Variants in SYNE2 observed in about 807,000 individuals in gnomAD.
SYNE2 encodes spectrin repeat containing nuclear envelope protein 2.
In SYNE2, 431 loss-of-function variants were observed where a neutral mutation model predicts 856.3. The ratio of observed to expected loss-of-function variants is 0.50; its 90% CI spans 0.47 to 0.55. SYNE2 has a LOEUF of 0.55. Ranked by LOEUF, SYNE2 falls within the 20% of genes least tolerant of loss-of-function variation. The pLI, the probability that SYNE2 is intolerant of heterozygous loss-of-function variation, is 0.00. For missense variants in SYNE2, 8,129 were observed against 8,023.2 expected (o/e 1.01, Z -0.50); for synonymous variants, 2,923 against 2,872.3 (o/e 1.02, Z -0.56).
intron 1 of SYNE2, among the ~76,000 whole-genome samples, chr14:63,829,847 G>A (rs528187196): frequency 6.6e-6 from 1 of 152,070 alleles, no homozygotes; most frequent in African/African-American, 2.4e-5. Flanking sequence ...TTGAACTCCT[G>A]GGCTCAAGTA....
chr14:64,133,422 T>G (rs1199530349), intron 77 of SYNE2, among the ~76,000 whole-genome samples: 2 of 152,152 alleles, frequency 1.3e-5, no homozygotes, highest in East Asian at 3.9e-4. Flanking sequence ...GTGAGGTGGT[T>G]CTTTTCCTAA....
chr14:64,023,997 A>G, intron 38 of SYNE2: 1 of 427,440 alleles, frequency 2.3e-6, no homozygotes, highest in Non-Finnish European at 4.4e-6. Context: ...CCAGGATAGG[A>G]AAATGTAGCT....
intron 2 of SYNE2, among the ~76,000 whole-genome samples, chr14:63,927,425 C>A (rs559820394): frequency 3.9e-5 from 6 of 152,102 alleles, no homozygotes; most frequent in African/African-American, 1.2e-4. Context: ...TCTTGAATTG[C>A]GCTCCCGTAA....
chr14:64,126,840 C>G (rs1567381812), intron 73 of SYNE2, 33 bp downstream of exon 73: 8 of 1,602,078 alleles, frequency 5.0e-6, no homozygotes, highest in Admixed American at 1.7e-5. Flanking sequence ...TATTTTGGCA[C>G]TGTTTTAAGT....
chr14:64,069,995 G>A (rs7158401), intron 51 of SYNE2, among the ~76,000 whole-genome samples: 39,798 of 152,066 alleles, frequency 0.26, 7,725 homozygotes, highest in African/African-American at 0.55. Flanking sequence ...GAGGGGAGGC[G>A]TAAGAATGAC....
Position 64,170,327 on chromosome 14 carries a change from G to A in SYNE2, c.17100G>A (p.Arg5700=), listed in dbSNP as rs1249953280. The part of the protein sequence containing the change: ...QRKGDVDGLV[R]QWQDFTTSVE... Reference sequence around the variant, plus strand: ...AGGGTGACGTTGATGGGCTGGTGAGGCAGTGGCAAGATTTCACTACTTCTG... The same window carrying A: ...AGGGTGACGTTGATGGGCTGGTGAGACAGTGGCAAGATTTCACTACTTCTG... Residue 5700 remains arginine, a synonymous_variant, in exon 94 of 116, where the codon AGG becomes AGA. Transcript: ENST00000555002. The A allele has an allele frequency of 1.2e-6, 2 of 1,614,180 alleles. No homozygotes were observed. The highest frequency in any genetic ancestry group is 1.3e-5 in the African/African-American group (1 of 75,048).
rs1053033562 is a variant in SYNE2, at chr14:64,051,415, T to A, written c.7644-142T>A. On this transcript the variant is annotated intron_variant, in intron 47 of 115. Transcript: ENST00000555002. ...GTAAACAAGATTCTGATTTTTATTTTAAGGATAGATTATTTTTACAGACAG... is the reference window on the plus strand; with the variant it reads ...GTAAACAAGATTCTGATTTTTATTTAAAGGATAGATTATTTTTACAGACAG... The A allele has an allele frequency of 6.4e-6, 5 of 781,238 alleles. No individual in the cohort carries two copies. In the African/African-American group the frequency reaches 8.8e-5, roughly 14 times the overall value. The allele number at this position is 781,238 out of a possible 1,614,324, so 48.4% of individuals were successfully genotyped here. A position where few individuals can be genotyped will look rare whatever the true frequency, so the allele number is the denominator to read the frequency against.
intron 1 of SYNE2, among the ~76,000 whole-genome samples, chr14:63,796,132 C>A (rs1887906436): frequency 6.6e-6 from 1 of 152,154 alleles, no homozygotes; most frequent in Admixed American, 6.5e-5. Flanking sequence ...TTCCAGTGGC[C>A]ATTCTCTTAC....
At chr14:63,896,581 G>C (rs1203721140) in intron 1 of SYNE2, among the ~76,000 whole-genome samples, 1 of 152,128 alleles carries the variant, frequency 6.6e-6, no homozygotes, top group Non-Finnish European at 1.5e-5. Context: ...CTGAATGTTG[G>C]CCTGGACAAA....
At chr14:64,016,978 A>C (rs892784182) in intron 33 of SYNE2, among the ~76,000 whole-genome samples, 3 of 152,130 alleles carry the variant, frequency 2.0e-5, no homozygotes, top group African/African-American at 7.2e-5. Flanking sequence ...CATCTGCATT[A>C]TATTTTCATC....
chr14:64,156,297 G>A (rs2098284780), intron 85 of SYNE2, among the ~76,000 whole-genome samples: 1 of 152,136 alleles, frequency 6.6e-6, no homozygotes, highest in South Asian at 2.1e-4. Flanking sequence ...ATGAGCCATG[G>A]CAGTTCTTGT....
At position 64,007,034 on chromosome 14, in the gene SYNE2, A is replaced by G. The variant is rs564045299; in HGVS notation, c.4398-9A>G. On this transcript the variant is annotated splice_polypyrimidine_tract_variant and intron_variant, in intron 30 of 115. Transcript: ENST00000555002. ...TGGCTATCAAACTTTTTTCTCATTCATAATCAAGGAAAAAATCATTAATCA... is the reference window on the plus strand; with the variant it reads ...TGGCTATCAAACTTTTTTCTCATTCGTAATCAAGGAAAAAATCATTAATCA... 2 of 1,609,678 alleles carry G rather than the reference A, an allele frequency of 1.2e-6. No individual in the cohort carries two copies. The highest frequency in any genetic ancestry group is 1.7e-6 in the Non-Finnish European group (2 of 1,176,814).
intron 2 of SYNE2, among the ~76,000 whole-genome samples, chr14:63,926,217 C>A (rs1266393214): frequency 1.3e-5 from 2 of 149,728 alleles, no homozygotes; most frequent in Non-Finnish European, 3.0e-5. Context: ...CCCAATCCCA[C>A]CCCCATCTCC....
Position 64,225,593 on chromosome 14 carries a change from A to G in SYNE2, c.*67A>G, listed in dbSNP as rs1269580461. On this transcript the variant is annotated 3_prime_UTR_variant, in exon 116 of 116. Transcript: ENST00000555002. ...CCAAGGGTGCCCAGCACGTGGCCCCAGACCAATCTGAGTGACTTAGTGTTG... is the reference window on the plus strand; with the variant it reads ...CCAAGGGTGCCCAGCACGTGGCCCCGGACCAATCTGAGTGACTTAGTGTTG... The G allele has an allele frequency of 6.5e-7, 1 of 1,536,154 alleles. No individual in the cohort carries two copies. The highest frequency in any genetic ancestry group is 1.2e-5 in the South Asian group (1 of 86,750).
In SYNE2 at chr14:63,989,109, C is replaced by G. The variant is rs144892881; in HGVS notation, c.2314-1302C>G. On this transcript the variant is annotated intron_variant, in intron 19 of 115. Coordinates refer to ENST00000555002, the MANE Select transcript of SYNE2 (RefSeq NM_182914.3). ...CATCTGTTTCTATGAATTATCTGTT[C>G]TTAGATTTTCAAAATTTTCTTTGGG... Among the ~76,000 whole-genome samples the G allele has an allele frequency of 3.3e-3, 496 of 152,216 alleles. 2 individuals carry two copies. The highest frequency in any genetic ancestry group is 5.2e-3 in the Admixed American group (79 of 15,292).
chr14:64,211,569 A>G (rs1184931951), intron 103 of SYNE2, among the ~76,000 whole-genome samples: 1 of 152,258 alleles, frequency 6.6e-6, no homozygotes, highest in Non-Finnish European at 1.5e-5. Flanking sequence ...CAGAAGGCCA[A>G]TGTGTAAAAC....
chr14:64,105,610 A>T (rs2097765975), intron 64 of SYNE2, among the ~76,000 whole-genome samples: 1 of 152,244 alleles, frequency 6.6e-6, no homozygotes, highest in South Asian at 2.1e-4. Context: ...TTGGTTGATT[A>T]TAATATCCAC....
chr14:64,098,596 C>G, intron 62 of SYNE2, 151 bp from the exon 63 acceptor site: 2 of 760,754 alleles, frequency 2.6e-6, no homozygotes, highest in Non-Finnish European at 4.6e-6. Context: ...GCTGGAGGAG[C>G]TGAACGGACC....
chr14:63,983,614 A>G (rs1333576482), intron 17 of SYNE2, 123 bp from the exon 18 acceptor site: 1 of 799,048 alleles, frequency 1.3e-6, no homozygotes, highest in Non-Finnish European at 2.0e-6. Context: ...CATATTTTAT[A>G]ACACTGTTGT....
Sources: gnomAD v4.1 joint callset for allele counts (sites outside exome capture counted in the v4.1 genomes callset) on GRCh38, gnomAD v4.1.1 for gene constraint, MANE v1.5 for transcripts, NCBI Gene and HGNC (gene_info 2026-07-23, HGNC 2026-07-21) for gene names.